RHOBTB1: variants seen among roughly 807,000 people sequenced by gnomAD.
RHOBTB1 encodes the protein rho-related BTB domain-containing protein 1.
A neutral mutation model predicts 71.6 loss-of-function variants in RHOBTB1; 40 were observed. That is an observed-to-expected ratio of 0.56 (90% confidence interval 0.43 to 0.73). RHOBTB1 has a LOEUF of 0.73. Ranked by LOEUF, RHOBTB1 falls within the 30% of genes least tolerant of loss-of-function variation. RHOBTB1 has a pLI of 0.00. For missense variants in RHOBTB1, 797 were observed against 894.0 expected, an observed-to-expected ratio of 0.89 and a Z score of 1.38; for synonymous variants, 319 against 334.9, an observed-to-expected ratio of 0.95 and a Z score of 0.52.
chr10:60,962,694 A>T (rs1408880749), intron 2 of RHOBTB1, among the ~76,000 whole-genome samples: 2 of 152,182 alleles, frequency 1.3e-5, no homozygotes, highest in Non-Finnish European at 2.9e-5. Flanking sequence ...GTCTTAAAAC[A>T]ATTTACCATG....
At position 60,886,208 on chromosome 10, in the gene RHOBTB1, A is replaced by G; in HGVS notation, c.1479T>C (p.Asp493=). ...GCGGCTTGTGGGCACTGATGGCTCC[A>G]TCGTCCAATTTAAATGTCACGTCTG... ...TFSDVTFKLD[D]GAISAHKPLL... is the part of the protein sequence containing the mutation. The change falls in exon 7 of 11, where the codon GAT becomes GAC. Residue 493 remains aspartate, a synonymous_variant. Coordinates refer to ENST00000337910, the MANE Select transcript of RHOBTB1 (RefSeq NM_014836.5). 1 of 1,614,004 alleles carries G rather than the reference A, an allele frequency of 6.2e-7. No homozygotes were observed.
intron 7 of RHOBTB1, among the ~76,000 whole-genome samples, chr10:60,881,280 T>G (rs888020889): frequency 6.6e-6 from 1 of 152,250 alleles, no homozygotes; most frequent in African/African-American, 2.4e-5. Flanking sequence ...TGGTATGTCT[T>G]CATTAGCAGC....
chr10:60,961,803 C>CT (rs1360449570), intron 2 of RHOBTB1, among the ~76,000 whole-genome samples: 5 of 130,808 alleles, frequency 3.8e-5, no homozygotes, highest in South Asian at 2.6e-4. Context: ...GATTTATAAC[C>CT]TTTTTTTGTT....
At chr10:60,986,404 G>GATAGATAT (rs1554860006) in intron 1 of RHOBTB1, among the ~76,000 whole-genome samples, 14 of 67,636 alleles carry the variant, frequency 2.1e-4, no homozygotes, top group African/African-American at 4.4e-4. Flanking sequence ...ATAAATAAAA[G>GATAGATAT]ATATATATAT....
intron 4 of RHOBTB1, among the ~76,000 whole-genome samples, chr10:60,894,836 T>G (rs553235755): frequency 1.8e-4 from 27 of 152,358 alleles, no homozygotes; most frequent in Non-Finnish European, 3.8e-4. Flanking sequence ...TTAAGACACA[T>G]GGCTCTAAGG....
chr10:60,998,139 C>T (rs1480796559), intron 1 of RHOBTB1, among the ~76,000 whole-genome samples: 3 of 152,176 alleles, frequency 2.0e-5, no homozygotes, highest in African/African-American at 2.4e-5. Context: ...TGTCTGAGGG[C>T]GGCCCTGTCG....
At chr10:60,910,725 A>C (rs913682365) in intron 4 of RHOBTB1, among the ~76,000 whole-genome samples, 162 bp downstream of exon 4, 2 of 152,164 alleles carry the variant, frequency 1.3e-5, no homozygotes, top group Non-Finnish European at 2.9e-5. Flanking sequence ...GACATCAGGA[A>C]ACAATACCAT....
At chr10:60,943,299 A>G (rs1483515526) in intron 1 of RHOBTB1, among the ~76,000 whole-genome samples, 3 of 152,212 alleles carry the variant, frequency 2.0e-5, no homozygotes, top group Non-Finnish European at 4.4e-5. Flanking sequence ...ATCTAATGAT[A>G]TATTTCTACA....
intron 1 of RHOBTB1, among the ~76,000 whole-genome samples, chr10:60,997,399 T>C (rs1206408081): frequency 1.3e-5 from 2 of 152,208 alleles, no homozygotes; most frequent in South Asian, 2.1e-4. Flanking sequence ...CCAAGCAATC[T>C]GTGATTTTAA....
chr10:60,862,527 CCTTT>C, the RHOBTB1 span, among the ~76,000 whole-genome samples: 4 of 149,176 alleles, frequency 2.7e-5, no homozygotes, highest in East Asian at 2.0e-4. Flanking sequence ...TCTCTCTCTC[CCTTT>C]CTTTCTCTTT....
Position 60,889,101 on chromosome 10 carries a change from G to A in RHOBTB1, c.567C>T (p.Ser189=), listed in dbSNP as rs1463708797. ...KELGLPYYET[S]VFDQFGIKDV... ...CCTTGATACCAAACTGGTCAAACAC[G>A]CTTGTTTCATAGTATGGTAAGCCAA... Residue 189 remains serine (S), a synonymous_variant, in exon 6 of 11, where the codon AGC becomes AGT. Coordinates refer to ENST00000337910, the MANE Select transcript of RHOBTB1 (RefSeq NM_014836.5). 6 of 1,614,130 alleles carry A rather than the reference G, an allele frequency of 3.7e-6. No individual in the cohort carries two copies. Among genetic ancestry groups the A allele is most frequent in the Non-Finnish European group, 3.4e-6 (4 of 1,179,992 alleles).
Position 60,877,996 on chromosome 10 carries a change from C to T in RHOBTB1, c.1638G>A (p.Lys546=), listed in dbSNP as rs1184943216. The T allele has an allele frequency of 6.2e-7, 1 of 1,613,486 alleles. No individual in the cohort carries two copies. The highest frequency in any genetic ancestry group is 2.2e-5 in the East Asian group (1 of 44,874). Residue 546 remains lysine, a synonymous_variant, in exon 8 of 11, where the codon AAG becomes AAA. Transcript: ENST00000337910. ...MQAVLDYLYT[K]QLSPNLDLDP... is the part of the protein sequence containing the mutation. ...CCAGATCCAAGTTAGGAGACAACTG[C>T]TTGGTATAGAGATAATCCAATACTG...
intron 5 of RHOBTB1, among the ~76,000 whole-genome samples, chr10:60,889,996 A>C (rs1300492326): frequency 1.3e-5 from 2 of 152,170 alleles, no homozygotes; most frequent in Non-Finnish European, 2.9e-5. Flanking sequence ...TACATTTTTC[A>C]TGTAAGCCTC....
At chr10:60,915,097 G>A (rs575454637) in intron 2 of RHOBTB1, among the ~76,000 whole-genome samples, 14 of 152,278 alleles carry the variant, frequency 9.2e-5, no homozygotes, top group Middle Eastern at 3.4e-3. Flanking sequence ...TCACAGCCAA[G>A]GATGGAAACT....
chr10:60,888,130 T>A (rs975835913), intron 6 of RHOBTB1, 82 bp downstream of exon 6: 3 of 1,469,080 alleles, frequency 2.0e-6, no homozygotes, highest in Non-Finnish European at 2.7e-6. Flanking sequence ...GCTATCGTTC[T>A]TCTTTCTCCT....
chr10:60,934,501 C>T (rs999211300), intron 2 of RHOBTB1, among the ~76,000 whole-genome samples: 2 of 152,224 alleles, frequency 1.3e-5, no homozygotes, highest in Non-Finnish European at 2.9e-5. Context: ...CAGATCAAGA[C>T]ATGAGACTTT....
At chr10:60,954,078 G>A (rs1000472783) in intron 2 of RHOBTB1, among the ~76,000 whole-genome samples, 2 of 152,174 alleles carry the variant, frequency 1.3e-5, no homozygotes, top group Non-Finnish European at 2.9e-5. Context: ...GTGTGTTTGT[G>A]TGTAGTTTTA....
intron 4 of RHOBTB1, among the ~76,000 whole-genome samples, chr10:60,909,607 A>C (rs1407381946): frequency 6.6e-6 from 1 of 152,222 alleles, no homozygotes; most frequent in Non-Finnish European, 1.5e-5. Context: ...AGGTTCATTT[A>C]TAATTGTTAT....
At chr10:60,975,912 A>G (rs539415890) in intron 2 of RHOBTB1, among the ~76,000 whole-genome samples, 3 of 152,152 alleles carry the variant, frequency 2.0e-5, no homozygotes, top group East Asian at 3.9e-4. Context: ...CTCATGATCT[A>G]TAAGGGGATG....
Sources: gnomAD v4.1 joint callset for allele counts (sites outside exome capture counted in the v4.1 genomes callset) on GRCh38, gnomAD v4.1.1 for gene constraint, MANE v1.5 for transcripts, NCBI Gene and HGNC (gene_info 2026-07-23, HGNC 2026-07-21) for gene names.